Variants in MXRA7 observed in about 807,000 individuals in gnomAD.
MXRA7 encodes matrix-remodeling-associated protein 7.
Under a neutral mutation model 17.4 loss-of-function variants are expected in MXRA7, and 18 were observed. The observed-to-expected ratio is 1.03, with a 90% confidence interval of 0.71 to 1.53. MXRA7 has a LOEUF of 1.53. MXRA7 is among the 40% of genes most tolerant of loss of function. The probability of loss-of-function intolerance (pLI) is 0.00; values close to 1 mark genes in which losing one functional copy is unlikely to be tolerated. For missense variants in MXRA7, 141 were observed against 209.3 expected (o/e 0.67, Z 2.01); for synonymous variants, 70 against 101.7 (o/e 0.69, Z 1.87).
intron 2 of MXRA7, among the ~76,000 whole-genome samples, chr17:76,686,135 CG>C (rs925991666): frequency 3.0e-4 from 46 of 152,090 alleles, no homozygotes; most frequent in African/African-American, 1.0e-3. Context: ...GATGGGGAGG[CG>C]GGGGGGCTCT....
At chr17:76,684,208 C>T (rs879651081) in intron 3 of MXRA7, among the ~76,000 whole-genome samples, 3 of 152,182 alleles carry the variant, frequency 2.0e-5, no homozygotes, top group Non-Finnish European at 4.4e-5. Context: ...GTTCTGATTC[C>T]AAAATCATAA....
At chr17:76,691,200 T>C (rs1022462152) in intron 1 of MXRA7, among the ~76,000 whole-genome samples, 5 of 152,060 alleles carry the variant, frequency 3.3e-5, no homozygotes, top group Non-Finnish European at 7.4e-5. Flanking sequence ...CCCGATAGGG[T>C]TTGGAGAGCT....
At chr17:76,701,893 C>G (rs897128407) in intron 1 of MXRA7, among the ~76,000 whole-genome samples, 1 of 152,154 alleles carries the variant, frequency 6.6e-6, no homozygotes, top group African/African-American at 2.4e-5. Flanking sequence ...AGATTCAATC[C>G]TATCAGATTT....
At chr17:76,677,415 T>G (rs1168546188), downstream of MXRA7, 1 of 522,576 alleles carries the variant, frequency 1.9e-6, no homozygotes, top group Non-Finnish European at 3.4e-6. Flanking sequence ...CAATTTTGAT[T>G]CCTGCAAAGT....
chr17:76,687,503 C>T (rs1386797471), intron 2 of MXRA7, among the ~76,000 whole-genome samples: 1 of 152,264 alleles, frequency 6.6e-6, no homozygotes, highest in Non-Finnish European at 1.5e-5. Context: ...TGTCTGCCTC[C>T]GCTTTCTTTT....
At chr17:76,695,062 A>C (rs1345570780) in intron 1 of MXRA7, among the ~76,000 whole-genome samples, 1 of 152,148 alleles carries the variant, frequency 6.6e-6, no homozygotes, top group Non-Finnish European at 1.5e-5. Context: ...TGGGAGGCTG[A>C]GTCAGGAGAA....
intron 1 of MXRA7, among the ~76,000 whole-genome samples, chr17:76,710,387 G>A (rs995444032): frequency 9.9e-5 from 15 of 152,186 alleles, no homozygotes; most frequent in Non-Finnish European, 2.9e-5. Flanking sequence ...ACTCCTTCGG[G>A]CTCGCCCCTC....
At chr17:76,674,620 A>G (rs983671099), downstream of MXRA7, 1 of 152,146 alleles carries the variant, frequency 6.6e-6, no homozygotes, top group African/African-American at 2.4e-5. Context: ...TGTCTCCCCA[A>G]CACCCATGCT....
At position 76,681,921 on chromosome 17, in the gene MXRA7, A is replaced by G. The variant is rs1051827787; in HGVS notation, c.501-1042T>C. Among the ~76,000 whole-genome samples the G allele has an allele frequency of 6.6e-6, 1 of 152,224 alleles. No individual in the cohort carries two copies. The highest frequency in any genetic ancestry group is 2.4e-5 in the African/African-American group (1 of 41,454). On this transcript the variant is annotated intron_variant, in intron 3 of 3. Coordinates refer to ENST00000449428, the MANE Select transcript of MXRA7 (RefSeq NM_198530.4). This position sits in a 1 kb window ranked among gnomAD's most constrained non-coding sequence, Gnocchi z 4.7. ...AGGTGGCACTTCCCACAGCAGCTTCAGCGGAACCCAGGGACGCCACCAGAG... is the reference window on the plus strand; with the variant it reads ...AGGTGGCACTTCCCACAGCAGCTTCGGCGGAACCCAGGGACGCCACCAGAG...
Position 76,698,740 on chromosome 17 carries a change from G to C in MXRA7, c.343-10564C>G, listed in dbSNP as rs1358593034. 4.1e-5 allele frequency among the ~76,000 whole-genome samples: 3 copies of C among 73,028 alleles called. No individual in the cohort carries two copies. In the South Asian group the frequency reaches 1.4e-3, roughly 35 times the overall value. The allele number at this position is 73,028 out of a possible 152,430, so 47.9% of individuals were successfully genotyped here. A position where few individuals can be genotyped will look rare whatever the true frequency, so the allele number is the denominator to read the frequency against. On this transcript the variant is annotated intron_variant, in intron 1 of 3. Coordinates refer to ENST00000449428, the MANE Select transcript of MXRA7 (RefSeq NM_198530.4). ...TTTTTTTTTTTTTTTTTTTTTTTTT[G>C]AGATAAGAGTCTTGCTCTGTTGCCC...
intron 1 of MXRA7, among the ~76,000 whole-genome samples, chr17:76,703,249 G>C (rs1425328372): frequency 3.3e-5 from 5 of 152,190 alleles, no homozygotes; most frequent in Admixed American, 3.3e-4. Flanking sequence ...CCAGAGGTCA[G>C]GTTGGTCAGC....
At chr17:76,683,183 G>C (rs1327040142) in intron 3 of MXRA7, among the ~76,000 whole-genome samples, 2 of 152,206 alleles carry the variant, frequency 1.3e-5, no homozygotes, top group Non-Finnish European at 2.9e-5. Flanking sequence ...CCTCTGTCCA[G>C]GGACTGCAAC....
chr17:76,674,086 G>GA (rs930905569), exon 4 of MXRA7: 6 of 152,332 alleles, frequency 3.9e-5, no homozygotes, highest in African/African-American at 1.4e-4. Context: ...CCCATCGCTG[G>GA]AAAGAGGCTC....
At chr17:76,692,316 C>T (rs921171618) in intron 1 of MXRA7, among the ~76,000 whole-genome samples, 2 of 150,528 alleles carry the variant, frequency 1.3e-5, no homozygotes, top group Non-Finnish European at 3.0e-5. Context: ...TGCAATGGTA[C>T]GATCTTGCCT....
At chr17:76,696,720 C>A (rs79553337) in intron 1 of MXRA7, among the ~76,000 whole-genome samples, 1 of 151,996 alleles carries the variant, frequency 6.6e-6, no homozygotes, top group Admixed American at 6.6e-5. Context: ...GCCCAAACTG[C>A]GATGCTAAAG....
intron 3 of MXRA7, among the ~76,000 whole-genome samples, chr17:76,683,265 C>T (rs575231038): frequency 5.9e-5 from 9 of 152,210 alleles, no homozygotes; most frequent in East Asian, 5.8e-4. Context: ...TGACTCACCT[C>T]GGCCACTGCG....
intron 1 of MXRA7, among the ~76,000 whole-genome samples, chr17:76,706,853 C>G (rs139038384): frequency 6.6e-6 from 1 of 152,212 alleles, no homozygotes; most frequent in African/African-American, 2.4e-5. Flanking sequence ...AATAATAATA[C>G]AATGAATACC....
At chr17:76,688,713 T>C in intron 1 of MXRA7, 2 of 1,225,020 alleles carry the variant, frequency 1.6e-6, no homozygotes, top group Non-Finnish European at 2.0e-6. Context: ...AATAAACAGA[T>C]GATCAGAGGA....
At chr17:76,688,614 G>A (rs573624142) in intron 1 of MXRA7, 10 of 1,248,230 alleles carry the variant, frequency 8.0e-6, no homozygotes, top group East Asian at 3.1e-5. Flanking sequence ...TTCCTTCTAT[G>A]TTGTTTTCCA....
Sources: gnomAD v4.1 joint callset for allele counts (sites outside exome capture counted in the v4.1 genomes callset) on GRCh38, gnomAD v4.1.1 for gene constraint, Gnocchi (gnomAD v3.1) non-coding constraint, MANE v1.5 for transcripts, NCBI Gene and HGNC (gene_info 2026-07-23, HGNC 2026-07-21) for gene names.